Variants in TENM4 observed in about 807,000 individuals in gnomAD.
The protein encoded by TENM4 is teneurin transmembrane protein 4, also known as teneurin-4.
TENM4 carries 82 observed loss-of-function variants against 243.3 expected under a neutral mutation model. That is an observed-to-expected ratio of 0.34 (90% CI 0.28 to 0.40). TENM4 has a LOEUF of 0.40. Ranked by LOEUF, TENM4 falls within the 10% of genes least tolerant of loss-of-function variation. The pLI is 1.00. For synonymous variants in TENM4, 1,412 were observed against 1,456.3 expected, an observed-to-expected ratio of 0.97 and a Z score of 0.69; for missense variants, 3,138 against 3,673.3, an observed-to-expected ratio of 0.85 and a Z score of 3.77.
chr11:78,849,911 A>G (rs1376063732), intron 12 of TENM4, among the ~76,000 whole-genome samples: 1 of 152,192 alleles, frequency 6.6e-6, no homozygotes, highest in Non-Finnish European at 1.5e-5. Context: ...CCTTTATTCA[A>G]CATTCTGGGG....
intron 20 of TENM4, among the ~76,000 whole-genome samples, chr11:78,733,679 T>C (rs1855721871): frequency 6.6e-6 from 1 of 152,324 alleles, no homozygotes; most frequent in South Asian, 2.1e-4. Flanking sequence ...TCCCTATTTG[T>C]ACACCCAATG....
chr11:78,806,673 T>C (rs1053720612), intron 14 of TENM4, among the ~76,000 whole-genome samples: 1 of 152,204 alleles, frequency 6.6e-6, no homozygotes, highest in African/African-American at 2.4e-5. Flanking sequence ...GGAATTCTTT[T>C]CCTGATTTCT....
In TENM4 at chr11:78,768,001, A is replaced by G. The variant is rs555718252; in HGVS notation, c.2539+2991T>C. Among the ~76,000 whole-genome samples, 19 of 152,310 alleles carry G rather than the reference A, an allele frequency of 1.2e-4. 1 individual carries two copies. Among genetic ancestry groups the G allele is most frequent in the Middle Eastern group, 3.4e-3 (1 of 294 alleles). On this transcript the variant is annotated intron_variant, in intron 18 of 33. Transcript: ENST00000278550. ...GCTTGGCTGAACTGAAAGTAGCCCAATGCAAATATGGTTTACTCTTGTGCT... is the reference window on the plus strand; with the variant it reads ...GCTTGGCTGAACTGAAAGTAGCCCAGTGCAAATATGGTTTACTCTTGTGCT...
intron 15 of TENM4, among the ~76,000 whole-genome samples, chr11:78,797,340 C>T (rs1230871888): frequency 6.6e-6 from 1 of 152,076 alleles, no homozygotes; most frequent in African/African-American, 2.4e-5. Flanking sequence ...ATTGAAAGAA[C>T]AGTTTTTTTT....
At chr11:78,836,577 A>T (rs1178857852) in intron 12 of TENM4, among the ~76,000 whole-genome samples, 1 of 152,256 alleles carries the variant, frequency 6.6e-6, no homozygotes, top group African/African-American at 2.4e-5. Context: ...ACTCTGTTAC[A>T]CAGAAAATTC....
intron 2 of TENM4, among the ~76,000 whole-genome samples, chr11:79,292,430 G>C (rs776519764): frequency 6.6e-6 from 1 of 152,216 alleles, no homozygotes; most frequent in East Asian, 1.9e-4. Flanking sequence ...AATTGGGTTT[G>C]TTCCCCAGGA....
At chr11:79,364,022 C>T (rs1194759421) in intron 1 of TENM4, among the ~76,000 whole-genome samples, 3 of 152,180 alleles carry the variant, frequency 2.0e-5, no homozygotes, top group African/African-American at 7.2e-5. Flanking sequence ...GAGCTGTTGG[C>T]TGTCACCTTC....
intron 6 of TENM4, among the ~76,000 whole-genome samples, chr11:78,981,160 C>T (rs948514216): frequency 5.1e-4 from 78 of 151,996 alleles, no homozygotes; most frequent in African/African-American, 1.7e-3. Context: ...TGTGTGTATG[C>T]GAGGAGGGGA....
chr11:79,143,085 A>T (rs933328883), intron 4 of TENM4, among the ~76,000 whole-genome samples: 1 of 152,150 alleles, frequency 6.6e-6, no homozygotes, highest in Non-Finnish European at 1.5e-5. Context: ...GTGGGAGTGT[A>T]AACTAGTTCA....
At chr11:79,351,245 A>C (rs550053839) in intron 1 of TENM4, among the ~76,000 whole-genome samples, 1 of 152,096 alleles carries the variant, frequency 6.6e-6, no homozygotes, top group South Asian at 2.1e-4. Context: ...TTTTCTTCCT[A>C]TCACTCTTGC....
At chr11:78,862,734 C>T (rs992028765) in intron 10 of TENM4, among the ~76,000 whole-genome samples, 2 of 152,168 alleles carry the variant, frequency 1.3e-5, no homozygotes, top group African/African-American at 4.8e-5. Flanking sequence ...TTCTGCTGAG[C>T]ACCATGAGCC....
intron 1 of TENM4, among the ~76,000 whole-genome samples, chr11:79,375,308 G>C (rs1713067324): frequency 1.3e-5 from 2 of 151,636 alleles, no homozygotes; most frequent in South Asian, 2.1e-4. Flanking sequence ...AAAAAATTTG[G>C]AAAAAAGAAA....
intron 1 of TENM4, among the ~76,000 whole-genome samples, chr11:79,372,490 C>G (rs1486699820): frequency 6.6e-6 from 1 of 152,100 alleles, no homozygotes; most frequent in Non-Finnish European, 1.5e-5. Flanking sequence ...GGAGATGGAG[C>G]TTATCTCTCA....
chr11:78,780,340 A>G (rs1250298388), intron 16 of TENM4, among the ~76,000 whole-genome samples: 1 of 152,268 alleles, frequency 6.6e-6, no homozygotes, highest in African/African-American at 2.4e-5. Context: ...CTCATCTCCC[A>G]GGATATGCTA....
At chr11:79,357,559 T>C (rs1176888363) in intron 1 of TENM4, among the ~76,000 whole-genome samples, 1 of 152,224 alleles carries the variant, frequency 6.6e-6, no homozygotes, top group Non-Finnish European at 1.5e-5. Flanking sequence ...AAATTCCTGC[T>C]CTTGAACATG....
At chr11:79,320,105 T>C (rs1166058188) in intron 1 of TENM4, among the ~76,000 whole-genome samples, 1 of 152,216 alleles carries the variant, frequency 6.6e-6, no homozygotes, top group African/African-American at 2.4e-5. Context: ...GCACAGTTCA[T>C]GGGTTCCCCT....
intron 3 of TENM4, among the ~76,000 whole-genome samples, chr11:79,173,916 C>T (rs1418308320): frequency 1.3e-5 from 2 of 152,166 alleles, no homozygotes; most frequent in East Asian, 3.8e-4. Flanking sequence ...TGCAAAGAGA[C>T]AGAGGGTTAT....
chr11:78,867,914 G>A (rs1031907894), intron 9 of TENM4, among the ~76,000 whole-genome samples: 2 of 151,936 alleles, frequency 1.3e-5, no homozygotes, highest in African/African-American at 4.8e-5. Flanking sequence ...ATTTTAAATA[G>A]AAGATAAAGC....
chr11:79,021,244 C>G (rs968858666), intron 6 of TENM4, among the ~76,000 whole-genome samples: 1 of 152,160 alleles, frequency 6.6e-6, no homozygotes, highest in East Asian at 1.9e-4. Flanking sequence ...AAAGCAGGAG[C>G]CATTTACCAT....
Sources: allele counts gnomAD v4.1 joint callset (sites outside exome capture counted in the v4.1 genomes callset), GRCh38; gene constraint gnomAD v4.1.1; transcripts MANE v1.5; gene names NCBI Gene and HGNC (gene_info 2026-07-23, HGNC 2026-07-21).